PRKD1: variants seen among roughly 807,000 people sequenced by gnomAD.
PRKD1 encodes the protein serine/threonine-protein kinase D1.
In PRKD1, 63 loss-of-function variants were observed where a neutral mutation model predicts 95.9. That is an observed-to-expected ratio of 0.66 (90% CI 0.54 to 0.81). The LOEUF (loss-of-function observed/expected upper bound fraction) is 0.81, where lower values mean the gene tolerates loss of function less well. Ranked by LOEUF, PRKD1 falls within the 30% of genes least tolerant of loss-of-function variation. PRKD1 has a pLI of 0.00. For synonymous variants in PRKD1, 425 were observed against 423.1 expected, an observed-to-expected ratio of 1.00 and a Z score of -0.05; for missense variants, 1,048 against 1,165.3, an observed-to-expected ratio of 0.90 and a Z score of 1.47.
chr14:29,755,023 A>G (rs1191469257), intron 1 of PRKD1, among the ~76,000 whole-genome samples: 1 of 152,098 alleles, frequency 6.6e-6, no homozygotes, highest in African/African-American at 2.4e-5. Context: ...GTTAATTCCT[A>G]CATACTTTAT....
At chr14:29,597,233 T>G (rs1467762744) in intron 16 of PRKD1, among the ~76,000 whole-genome samples, 1 of 152,144 alleles carries the variant, frequency 6.6e-6, no homozygotes, top group Non-Finnish European at 1.5e-5. Flanking sequence ...TATTAAGGTA[T>G]AAGTATTTAT....
chr14:29,676,180 T>G (rs866122263), intron 2 of PRKD1, among the ~76,000 whole-genome samples: 2 of 116,722 alleles, frequency 1.7e-5, no homozygotes, highest in African/African-American at 8.1e-5. Context: ...TCATTACGTT[T>G]TTGTTTTTTT....
At chr14:29,814,714 C>T (rs541517798) in intron 1 of PRKD1, among the ~76,000 whole-genome samples, 1 of 152,304 alleles carries the variant, frequency 6.6e-6, no homozygotes, top group East Asian at 1.9e-4. Context: ...GCCTCCATTG[C>T]TGGCACCGAC....
rs1454423505 is a variant in PRKD1, at chr14:29,663,795, C to A, written c.600G>T (p.Arg200Ser). The part of the protein sequence containing the change: ...FKIPNNCSGV[R>S]RRRLSNVSLT... ...GGGAAACGTTTGAGAGCCTTCTCCG[C>A]CTCACACCGCTGCAATTGTTGGGTA... Residue 200 changes from arginine to serine, a missense_variant, in exon 4 of 18, where the codon AGG (arginine) becomes AGT (serine). This residue lies in a region of PRKD1 where 275 missense variants were observed against 248.6 expected (regional missense o/e 1.11). Coordinates refer to ENST00000331968, the MANE Select transcript of PRKD1 (RefSeq NM_002742.3). 6.2e-7 allele frequency: 1 copy of A among 1,614,052 alleles called. No homozygotes were observed.
At chr14:29,583,583 C>A (rs530736937) in intron 16 of PRKD1, among the ~76,000 whole-genome samples, 100 of 152,196 alleles carry the variant, frequency 6.6e-4, no homozygotes, top group Non-Finnish European at 1.3e-3. Context: ...ATTTTATTAT[C>A]TTTATTCATG....
At chr14:29,831,477 T>G (rs11849900) in intron 1 of PRKD1, among the ~76,000 whole-genome samples, 2,835 of 149,556 alleles carry the variant, frequency 0.019, 74 homozygotes, top group African/African-American at 0.065. Flanking sequence ...TGGTTGGTTG[T>G]TTGTTTTTTG....
intron 4 of PRKD1, among the ~76,000 whole-genome samples, chr14:29,652,601 T>C (rs533131161): frequency 4.0e-4 from 61 of 152,322 alleles, no homozygotes; most frequent in African/African-American, 1.3e-3. Flanking sequence ...TTTGGACATC[T>C]TTCCTCACTG....
intron 1 of PRKD1, among the ~76,000 whole-genome samples, chr14:29,855,868 G>A (rs559728657): frequency 2.0e-5 from 3 of 152,224 alleles, no homozygotes; most frequent in South Asian, 2.1e-4. Context: ...CATGTAAGAC[G>A]TGACTTGTTC....
At chr14:29,789,299 G>A (rs529172430) in intron 1 of PRKD1, among the ~76,000 whole-genome samples, 18 of 152,138 alleles carry the variant, frequency 1.2e-4, no homozygotes, top group African/African-American at 2.6e-4. Flanking sequence ...GAGGTGTCAC[G>A]TTTCCTTGCT....
intron 13 of PRKD1, among the ~76,000 whole-genome samples, chr14:29,616,388 A>G (rs1328328419): frequency 6.6e-6 from 1 of 151,968 alleles, no homozygotes; most frequent in African/African-American, 2.4e-5. Context: ...AGATTTGACT[A>G]TAGCTATGAG....
chr14:29,611,771 A>T (rs1248494816), intron 13 of PRKD1, among the ~76,000 whole-genome samples: 1 of 149,716 alleles, frequency 6.7e-6, no homozygotes, highest in Non-Finnish European at 1.5e-5. Context: ...CAAACGCTGG[A>T]ATCTACATGA....
At chr14:29,906,803 CA>C (rs1894511665) in intron 1 of PRKD1, among the ~76,000 whole-genome samples, 1 of 152,196 alleles carries the variant, frequency 6.6e-6, no homozygotes, top group Non-Finnish European at 1.5e-5. Flanking sequence ...GAAGAAAAAA[CA>C]AACAATGACA....
In PRKD1 at chr14:29,576,540, T is replaced by A. The variant is rs1019284219; in HGVS notation, c.*698A>T. The A allele has an allele frequency of 6.5e-6, 1 of 152,772 alleles. No individual in the cohort carries two copies. Among genetic ancestry groups the A allele is most frequent in the East Asian group, 1.9e-4 (1 of 5,184 alleles). The allele number at this position is 152,772 out of a possible 1,614,324, so 9.5% of individuals were successfully genotyped here. A position where few individuals can be genotyped will look rare whatever the true frequency, so the allele number is the denominator to read the frequency against. On this transcript the variant is annotated 3_prime_UTR_variant, in exon 18 of 18. Coordinates refer to ENST00000331968, the MANE Select transcript of PRKD1 (RefSeq NM_002742.3). ...CAAAGGTGAAAGGTTGCTGAGCAGC[T>A]GATTTTCCATAGTACAACAGAGTAT...
intron 1 of PRKD1, among the ~76,000 whole-genome samples, chr14:29,735,839 G>A (rs755893388): frequency 2.6e-5 from 4 of 152,094 alleles, no homozygotes; most frequent in Non-Finnish European, 5.9e-5. Context: ...TTTGGTGTTC[G>A]AGTAAGGCTT....
chr14:29,599,170 C>A, intron 14 of PRKD1, 45 bp from the exon 15 acceptor site: 1 of 1,528,222 alleles, frequency 6.5e-7, no homozygotes. Flanking sequence ...TTATTAATTT[C>A]AAAATGTCTT....
chr14:29,925,642 TG>T (rs1260513012), intron 1 of PRKD1, among the ~76,000 whole-genome samples: 1 of 152,066 alleles, frequency 6.6e-6, no homozygotes, highest in Non-Finnish European at 1.5e-5. Flanking sequence ...CAGGAGGAAG[TG>T]GGGGGCGGGG....
At chr14:29,592,768 T>C (rs1454887586) in intron 16 of PRKD1, 1 of 152,170 alleles carries the variant, frequency 6.6e-6, no homozygotes, top group Non-Finnish European at 1.5e-5. Context: ...AGAGAACAAG[T>C]AACGTGGATG....
In PRKD1 at chr14:29,823,793, T is replaced by C. The variant is rs2139275126; in HGVS notation, c.265-98119A>G. Among the ~76,000 whole-genome samples the C allele has an allele frequency of 2.0e-5, 3 of 152,278 alleles. No homozygotes were observed. In the South Asian group the frequency reaches 6.2e-4, roughly 32 times the overall value. On this transcript the variant is annotated intron_variant, in intron 1 of 17. Transcript: ENST00000331968. ...TCTCAATTGTAAAAATTCCAAAATA[T>C]TACATTCACGTTAATAAACATTTTT...
At chr14:29,734,198 C>T (rs1438370023) in intron 1 of PRKD1, among the ~76,000 whole-genome samples, 8 of 151,648 alleles carry the variant, frequency 5.3e-5, no homozygotes, top group South Asian at 4.2e-4. Flanking sequence ...GCCCACCACA[C>T]GCCTGGCTAA....
Sources: allele counts gnomAD v4.1 joint callset (sites outside exome capture counted in the v4.1 genomes callset), GRCh38; gene constraint gnomAD v4.1.1; regional missense constraint gnomAD v4.1.1; transcripts MANE v1.5; gene names NCBI Gene and HGNC (gene_info 2026-07-23, HGNC 2026-07-21).